Variants in CCDC183 observed in about 807,000 individuals in gnomAD.
CCDC183 encodes the protein coiled-coil domain-containing protein 183.
In CCDC183, 63 loss-of-function variants were observed where a neutral mutation model predicts 65.2. The ratio of observed to expected loss-of-function variants is 0.97; its 90% confidence interval spans 0.79 to 1.19. The LOEUF is 1.19. Ranked by LOEUF, CCDC183 falls within the 50% of genes most tolerant of loss-of-function variation. CCDC183 has a pLI of 0.00. For synonymous variants in CCDC183, 323 were observed against 276.5 expected, an observed-to-expected ratio of 1.17 and a Z score of -1.67; for missense variants, 769 against 689.3, an observed-to-expected ratio of 1.12 and a Z score of -1.30.
Position 136,806,513 on chromosome 9 carries a change from C to T in CCDC183, c.1119C>T (p.Ser373=), listed in dbSNP as rs1248216824. Residue 373 remains serine, a synonymous_variant, in exon 11 of 14, where the codon TCC becomes TCT. Transcript: ENST00000338005. Reference sequence around the variant, plus strand: ...CTATTGCCTTCTGCAGCTTCAAGTCCGTTGAGAAGAAAATGACAGACATGC... The same window carrying T: ...CTATTGCCTTCTGCAGCTTCAAGTCTGTTGAGAAGAAAATGACAGACATGC... ...RQKPSSISFK[S]VEKKMTDMLK... The T allele has an allele frequency of 1.9e-6, 3 of 1,613,278 alleles. No homozygotes were observed. Among genetic ancestry groups the T allele is most frequent in the East Asian group, 2.2e-5 (1 of 44,894 alleles).
Position 136,804,458 on chromosome 9 carries a change from G to C in CCDC183, c.667-44G>C. ...TGGCTTTACTGCCATTAGGGGCCTT[G>C]TTGAGACAGCTCCCCAACCCTGTGC... is the stretch of plus-strand genomic sequence containing the variant. On this transcript the variant is annotated intron_variant, in intron 6 of 13. Transcript: ENST00000338005. The surrounding 1 kb of genome is among the most constrained non-coding windows in gnomAD (Gnocchi z 4.1). 6.3e-7 allele frequency: 1 copy of C among 1,594,650 alleles called. No individual in the cohort carries two copies. Among genetic ancestry groups the C allele is most frequent in the South Asian group, 1.1e-5 (1 of 89,262 alleles).
intron 10 of CCDC183, 27 bp downstream of exon 10, chr9:136,806,265 C>G (rs45517541): frequency 1.3e-6 from 2 of 1,572,402 alleles, no homozygotes; most frequent in Non-Finnish European, 1.7e-6. Context: ...GGGCTGCGGG[C>G]CACCCACCCC....
Position 136,807,082 on chromosome 9 carries a change from C to T in CCDC183, c.1486+16C>T, listed in dbSNP as rs1483114271. ...GATATGATCGGTACAGGCCCCGGAA[C>T]TGGGGCCCGGGCTGCAGGCGGGTGG... is the stretch of plus-strand genomic sequence containing the variant. On this transcript the variant is annotated intron_variant, in intron 13 of 13. Coordinates refer to ENST00000338005, the MANE Select transcript of CCDC183 (RefSeq NM_001039374.5). The T allele has an allele frequency of 6.2e-6, 10 of 1,611,528 alleles. No individual in the cohort carries two copies. The highest frequency in any genetic ancestry group is 6.8e-6 in the Non-Finnish European group (8 of 1,179,138).
chr9:136,806,914 GC>G (rs1211905823), intron 12 of CCDC183, 47 bp downstream of exon 12: 1 of 1,613,398 alleles, frequency 6.2e-7, no homozygotes, highest in East Asian at 2.2e-5. Context: ...TCCCCTCAAA[GC>G]TGACAGGCTC....
rs758337931 is a variant in CCDC183 at position 136,807,675 on chromosome 9, G to A, written c.1590G>A (p.Lys530=). The A allele has an allele frequency of 1.4e-5, 23 of 1,601,898 alleles. No individual in the cohort carries two copies. In the Admixed American group the frequency reaches 2.9e-4, roughly 20 times the overall value. The part of the protein sequence containing the change: ...RLIEGKLKAA[K]KKKK ...TCGAGGGGAAGCTCAAGGCGGCCAA[G>A]AAAAAGAAGAAGTAGCCCCGCCGCC... The change falls in exon 14 of 14, where the codon AAG becomes AAA. Residue 530 remains lysine, a synonymous_variant. Transcript: ENST00000338005.
In CCDC183 at chr9:136,806,677, C is replaced by G. The variant is rs767240997; in HGVS notation, c.1278+5C>G. 1.9e-6 allele frequency: 3 copies of G among 1,613,262 alleles called. No individual in the cohort carries two copies. The highest frequency in any genetic ancestry group is 4.5e-5 in the East Asian group (2 of 44,864). On this transcript the variant is annotated splice_donor_5th_base_variant and intron_variant, in intron 11 of 13. Transcript: ENST00000338005. Reference sequence around the variant, plus strand: ...ATTAACTTGCCTGCGACCCAGGTACCGGGAGTGAGGCTGAGCTGCCACACA... The same window carrying G: ...ATTAACTTGCCTGCGACCCAGGTACGGGGAGTGAGGCTGAGCTGCCACACA...
intron 10 of CCDC183, 127 bp downstream of exon 10, chr9:136,806,365 G>A (rs969238921): frequency 3.7e-5 from 51 of 1,383,922 alleles, no homozygotes; most frequent in Non-Finnish European, 4.9e-5. Context: ...GAGGGGCCAG[G>A]GGACTCCACT....
Position 136,807,552 on chromosome 9 carries a change from G to A in CCDC183, c.1487-20G>A, listed in dbSNP as rs1221906086. 2 of 1,581,340 alleles carry A rather than the reference G, an allele frequency of 1.3e-6. No individual in the cohort carries two copies. Among genetic ancestry groups the A allele is most frequent in the East Asian group, 4.7e-5 (2 of 42,828 alleles). On this transcript the variant is annotated intron_variant, in intron 13 of 13. Transcript: ENST00000338005. ...CTAGCTGGGCTAGCCCCGTGTGCGA[G>A]CCGCCGCCTCCGCCCGCAGACACCT...
In CCDC183 at chr9:136,800,367, CTGCGCCCTCGGTCCG is replaced by C. The variant is rs1564348694; in HGVS notation, c.439-21_439-7del. The C allele has an allele frequency of 1.3e-6, 2 of 1,593,746 alleles. No homozygotes were observed. Among genetic ancestry groups the C allele is most frequent in the East Asian group, 4.5e-5 (2 of 44,470 alleles). Reference sequence around the variant, plus strand: ...GGCGGCCGGTCCCCACGCCCTCTCACTGCGCCCTCGGTCCGCCCCAGATCATCCGCCAGCTGGAGA... The same window carrying C: ...GGCGGCCGGTCCCCACGCCCTCTCACCCCCAGATCATCCGCCAGCTGGAGA... On this transcript the variant is annotated splice_region_variant and splice_polypyrimidine_tract_variant and intron_variant, in intron 4 of 13. Coordinates refer to ENST00000338005, the MANE Select transcript of CCDC183 (RefSeq NM_001039374.5).
rs374179875 is a variant in CCDC183 at position 136,796,375 on chromosome 9, C to T, written c.-23C>T. 2 of 1,541,182 alleles carry T rather than the reference C, an allele frequency of 1.3e-6. No homozygotes were observed. The highest frequency in any genetic ancestry group is 1.8e-6 in the Non-Finnish European group (2 of 1,129,612). ...GGGAGGCTTTGAGGTACACAGGGTC[C>T]CTTGGGGGGCCTGAGAGCAGCCATG... On this transcript the variant is annotated 5_prime_UTR_variant, in exon 1 of 14. Transcript: ENST00000338005.
intron 6 of CCDC183, among the ~76,000 whole-genome samples, chr9:136,803,388 G>A (rs938157016): frequency 9.2e-5 from 14 of 152,190 alleles, no homozygotes; most frequent in African/African-American, 2.2e-4. Flanking sequence ...TGGCCAGCCC[G>A]GCCAGCCTGC....
At chr9:136,800,625 G>A in intron 5 of CCDC183, 132 bp downstream of exon 5, 1 of 647,180 alleles carries the variant, frequency 1.5e-6, no homozygotes, top group Non-Finnish European at 2.7e-6. Flanking sequence ...TACGCAGGAC[G>A]CCGAGGCATG....
At chr9:136,800,773 C>CCTGGGCCT (rs1381930094) in intron 5 of CCDC183, 5 of 393,374 alleles carry the variant, frequency 1.3e-5, no homozygotes, top group African/African-American at 1.1e-4. Context: ...TTTCTCATTG[C>CCTGGGCCT]CTGGGCCTCT....
rs1356575698 is a variant in CCDC183 at position 136,803,083 on chromosome 9, GGCCCCCCAGGGCCA to G, written c.666+302_666+315del. ...GGTGAGCTCAGGGCCCAGGGCCGGG[GGCCCCCCAGGGCCA>G]GCCCTCTTGGATCTTCGGATGGGGT... On this transcript the variant is annotated intron_variant, in intron 6 of 13. Transcript: ENST00000338005. Among the ~76,000 whole-genome samples, 43 of 56,310 alleles carry G rather than the reference GGCCCCCCAGGGCCA, an allele frequency of 7.6e-4. 5 individuals carry two copies. Among genetic ancestry groups the G allele is most frequent in the African/African-American group, 3.3e-3 (28 of 8,450 alleles). The allele number at this position is 56,310 out of a possible 152,430, so 36.9% of individuals were successfully genotyped here.
chr9:136,804,732 C>T lies in CCDC183; in HGVS notation c.793-30C>T, dbSNP rs1419088773. The T allele has an allele frequency of 3.7e-6, 6 of 1,613,440 alleles. No individual in the cohort carries two copies. Among genetic ancestry groups the T allele is most frequent in the Middle Eastern group, 1.7e-4 (1 of 6,060 alleles). ...GGCCCACTCCCTGCCAAGGATGTCT[C>T]ATCCCTTCCCCGCCCCCACCTCCCA... On this transcript the variant is annotated intron_variant, in intron 7 of 13. Coordinates refer to ENST00000338005, the MANE Select transcript of CCDC183 (RefSeq NM_001039374.5). This position sits in a 1 kb window ranked among gnomAD's most constrained non-coding sequence, Gnocchi z 4.1.
In CCDC183 at chr9:136,804,974, GAGCCTGT is replaced by G; in HGVS notation, c.847+163_847+169del. ...CCCTGCCTCTCCCTCCAGAGGCTGA[GAGCCTGT>G]AGCCAAATGTGGCCTCAGAGATGCT... On this transcript the variant is annotated intron_variant, in intron 8 of 13. Transcript: ENST00000338005. The surrounding 1 kb of genome is among the most constrained non-coding windows in gnomAD (Gnocchi z 4.1). The G allele has an allele frequency of 1.5e-6, 1 of 660,458 alleles. No homozygotes were observed. Among genetic ancestry groups the G allele is most frequent in the Non-Finnish European group, 2.6e-6 (1 of 385,886 alleles). The allele number at this position is 660,458 out of a possible 1,614,324, so 40.9% of individuals were successfully genotyped here.
intron 2 of CCDC183, 63 bp from the exon 3 acceptor site, chr9:136,799,650 G>C: frequency 7.0e-7 from 1 of 1,430,644 alleles, no homozygotes; most frequent in Non-Finnish European, 9.8e-7. Context: ...AGAATGCCTG[G>C]AGGAGCCAGC....
chr9:136,797,835 T>A (rs1223145125), intron 1 of CCDC183, among the ~76,000 whole-genome samples: 3 of 151,966 alleles, frequency 2.0e-5, no homozygotes, highest in Non-Finnish European at 4.4e-5. Context: ...GGGATGTTTG[T>A]TTGGAGACAG....
intron 5 of CCDC183, chr9:136,800,778 G>T (rs1847726887): frequency 2.6e-6 from 1 of 381,454 alleles, no homozygotes; most frequent in Non-Finnish European, 4.9e-6. Context: ...CATTGCCTGG[G>T]CCTCTGAGAG....
Sources: allele counts gnomAD v4.1 joint callset (sites outside exome capture counted in the v4.1 genomes callset), GRCh38; gene constraint gnomAD v4.1.1; non-coding constraint Gnocchi (gnomAD v3.1); transcripts MANE v1.5; gene names NCBI Gene and HGNC (gene_info 2026-07-23, HGNC 2026-07-21).